Variants in NRG3 observed in about 807,000 individuals in gnomAD.
The protein encoded by NRG3 is neuregulin 3, also known as pro-neuregulin-3, membrane-bound isoform.
NRG3 carries 31 observed loss-of-function variants against 66.9 expected under a neutral mutation model. The observed-to-expected ratio is 0.46, with a 90% confidence interval of 0.35 to 0.63. The LOEUF is 0.63. Among genes scored for constraint, NRG3 ranks in the 20% least tolerant of loss-of-function variants. NRG3 has a pLI of 0.00. For synonymous variants in NRG3, 393 were observed against 359.4 expected, an observed-to-expected ratio of 1.09 and a Z score of -1.06; for missense variants, 910 against 878.9, an observed-to-expected ratio of 1.04 and a Z score of -0.45.
chr10:82,589,079 C>G (rs1050827223), intron 2 of NRG3, among the ~76,000 whole-genome samples: 1 of 152,214 alleles, frequency 6.6e-6, no homozygotes, highest in Middle Eastern at 3.4e-3. Flanking sequence ...CTGCGTTACC[C>G]CAGTGCTTTC....
At chr10:82,351,496 G>A (rs2083435841) in intron 1 of NRG3, among the ~76,000 whole-genome samples, 1 of 152,160 alleles carries the variant, frequency 6.6e-6, no homozygotes, top group Non-Finnish European at 1.5e-5. Flanking sequence ...TGACTCAGAA[G>A]ATAGAATCAG....
At chr10:82,506,961 G>A (rs1844737456) in intron 2 of NRG3, among the ~76,000 whole-genome samples, 1 of 152,158 alleles carries the variant, frequency 6.6e-6, no homozygotes, top group Admixed American at 6.5e-5. Context: ...CTGCCTTTGT[G>A]TGATTATCAG....
intron 2 of NRG3, among the ~76,000 whole-genome samples, chr10:82,544,400 C>G (rs955818320): frequency 1.7e-4 from 26 of 152,006 alleles, no homozygotes; most frequent in African/African-American, 6.0e-4. Context: ...ATAATTGATT[C>G]CAATCTTTCA....
At chr10:82,412,690 A>G (rs1361835072) in intron 2 of NRG3, among the ~76,000 whole-genome samples, 1 of 152,204 alleles carries the variant, frequency 6.6e-6, no homozygotes, top group Non-Finnish European at 1.5e-5. Flanking sequence ...CATTTTACCT[A>G]CAGCAGAACT....
chr10:81,880,947 T>TATAC (rs1385532476), intron 1 of NRG3, among the ~76,000 whole-genome samples: 1 of 152,184 alleles, frequency 6.6e-6, no homozygotes, highest in Non-Finnish European at 1.5e-5. Context: ...TCCAGAACCA[T>TATAC]ATACATAATG....
intron 1 of NRG3, among the ~76,000 whole-genome samples, chr10:82,045,047 A>G (rs2063214936): frequency 6.6e-6 from 1 of 151,172 alleles, no homozygotes; most frequent in South Asian, 2.1e-4. Flanking sequence ...GTGTCTTTAT[A>G]GCAGCAAGAT....
chr10:82,847,687 TC>T (rs1168527685), intron 3 of NRG3, among the ~76,000 whole-genome samples: 9 of 152,184 alleles, frequency 5.9e-5, no homozygotes, highest in Non-Finnish European at 1.3e-4. Flanking sequence ...AGACTACATT[TC>T]CTCACCTGAG....
intron 2 of NRG3, among the ~76,000 whole-genome samples, chr10:82,685,717 A>T (rs1012745297): frequency 1.3e-5 from 2 of 152,192 alleles, no homozygotes; most frequent in African/African-American, 4.8e-5. Flanking sequence ...AGCCATACAC[A>T]TTGTACAGCC....
At chr10:81,986,140 G>A (rs1165978502) in intron 1 of NRG3, among the ~76,000 whole-genome samples, 1 of 152,140 alleles carries the variant, frequency 6.6e-6, no homozygotes, top group Non-Finnish European at 1.5e-5. Flanking sequence ...TTAATTGTGA[G>A]ATGAAGCCAG....
At chr10:82,899,490 G>T (rs1843998724) in intron 4 of NRG3, among the ~76,000 whole-genome samples, 1 of 152,148 alleles carries the variant, frequency 6.6e-6, no homozygotes, top group South Asian at 2.1e-4. Flanking sequence ...TGGATGTGTT[G>T]CAGGAATGTG....
At chr10:81,975,270 C>A (rs974931870) in intron 1 of NRG3, among the ~76,000 whole-genome samples, 9 of 152,002 alleles carry the variant, frequency 5.9e-5, no homozygotes, top group Non-Finnish European at 1.0e-4. Flanking sequence ...ACAATGCAAA[C>A]AAATACATCA....
intron 2 of NRG3, among the ~76,000 whole-genome samples, chr10:82,400,391 A>G (rs1344607434): frequency 1.3e-5 from 2 of 152,142 alleles, no homozygotes; most frequent in Non-Finnish European, 1.5e-5. Context: ...TTTTATCTAC[A>G]TACAAATAAA....
At chr10:82,011,944 T>C (rs1344769158) in intron 1 of NRG3, among the ~76,000 whole-genome samples, 1 of 152,166 alleles carries the variant, frequency 6.6e-6, no homozygotes, top group African/African-American at 2.4e-5. Context: ...GGATCTATCC[T>C]TCTGGGTTCT....
intron 2 of NRG3, among the ~76,000 whole-genome samples, chr10:82,598,166 A>G (rs900266111): frequency 6.6e-6 from 1 of 152,216 alleles, no homozygotes; most frequent in Non-Finnish European, 1.5e-5. Flanking sequence ...ATTTTACTCA[A>G]AATTAAATAT....
chr10:82,591,411 T>C (rs2046977687), intron 2 of NRG3, among the ~76,000 whole-genome samples: 1 of 152,224 alleles, frequency 6.6e-6, no homozygotes, highest in African/African-American at 2.4e-5. Context: ...TAAACATTCA[T>C]AGTTTTAATG....
intron 1 of NRG3, among the ~76,000 whole-genome samples, chr10:82,258,072 G>A (rs1283851810): frequency 6.6e-6 from 1 of 152,152 alleles, no homozygotes; most frequent in East Asian, 1.9e-4. Context: ...AGAGAGCAAG[G>A]TTTTGTAGTC....
At chr10:82,628,202 G>T (rs974287918) in intron 2 of NRG3, among the ~76,000 whole-genome samples, 6 of 152,200 alleles carry the variant, frequency 3.9e-5, no homozygotes, top group African/African-American at 1.4e-4. Context: ...GTGATTGGAA[G>T]TGAACTATGA....
intron 1 of NRG3, among the ~76,000 whole-genome samples, chr10:81,973,841 CT>C (rs2060018427): frequency 6.6e-6 from 1 of 151,998 alleles, no homozygotes; most frequent in Non-Finnish European, 1.5e-5. Flanking sequence ...CAAAAATTTT[CT>C]CCCATTCTGT....
At chr10:82,466,913 CAA>C (rs77350035) in intron 2 of NRG3, among the ~76,000 whole-genome samples, 11 of 69,338 alleles carry the variant, frequency 1.6e-4, no homozygotes, top group Admixed American at 1.6e-4. Flanking sequence ...GTACCCTGAC[CAA>C]AAAAAAAAAA....
Sources: gnomAD v4.1 joint callset for allele counts (sites outside exome capture counted in the v4.1 genomes callset) on GRCh38, gnomAD v4.1.1 for gene constraint, MANE v1.5 for transcripts, NCBI Gene and HGNC (gene_info 2026-07-23, HGNC 2026-07-21) for gene names.